SLC12A3: variants seen among roughly 807,000 people sequenced by gnomAD.
SLC12A3 encodes solute carrier family 12 member 3.
SLC12A3 carries 104 observed loss-of-function variants against 121.0 expected under a neutral mutation model. That is an observed-to-expected ratio of 0.86 (90% CI 0.73 to 1.01). The LOEUF (loss-of-function observed/expected upper bound fraction) is 1.01, where lower values mean the gene tolerates loss of function less well. Ranked by LOEUF, SLC12A3 falls within the 50% of genes least tolerant of loss-of-function variation. The pLI, the probability that SLC12A3 is intolerant of heterozygous loss-of-function variation, is 0.00. For synonymous variants in SLC12A3, 536 were observed against 533.4 expected (o/e 1.00, Z -0.07); for missense variants, 1,328 against 1,356.3 (o/e 0.98, Z 0.33).
chr16:56,868,444 G>A (rs1448023092), intron 3 of SLC12A3, 72 bp downstream of exon 3: 6 of 1,423,460 alleles, frequency 4.2e-6, no homozygotes, highest in Non-Finnish European at 5.8e-6. Flanking sequence ...CCTGAATCCT[G>A]TTCTTCCCAG....
At chr16:56,867,693 G>A (rs1367694197) in intron 2 of SLC12A3, among the ~76,000 whole-genome samples, 1 of 152,170 alleles carries the variant, frequency 6.6e-6, no homozygotes, top group African/African-American at 2.4e-5. Flanking sequence ...TGAACCACGA[G>A]CCCTCCCCGA....
At position 56,870,604 on chromosome 16, in the gene SLC12A3, C is replaced by T. The variant is rs377129655; in HGVS notation, c.742-22C>T. ...GGGAATTCAGAGGGTGGCTTGCAGC[C>T]TGGCCCATTTTCCCTCCCCAGGAGT... is the stretch of plus-strand genomic sequence containing the variant. On this transcript the variant is annotated intron_variant, in intron 5 of 25. Transcript: ENST00000563236. 1.2e-5 allele frequency: 18 copies of T among 1,492,764 alleles called. No individual in the cohort carries two copies. In the African/African-American group the frequency reaches 2.2e-4, roughly 18 times the overall value. The allele number at this position is 1,492,764 out of a possible 1,614,324, so 92.5% of individuals were successfully genotyped here.
Position 56,913,648 on chromosome 16 carries a change from C to T in SLC12A3, c.*243C>T, listed in dbSNP as rs886052161. 4.9e-5 allele frequency: 28 copies of T among 569,776 alleles called. No individual in the cohort carries two copies. The highest frequency in any genetic ancestry group is 8.8e-5 in the Non-Finnish European group (28 of 318,242). The allele number at this position is 569,776 out of a possible 1,614,324, so 35.3% of individuals were successfully genotyped here. A position where few individuals can be genotyped will look rare whatever the true frequency, so the allele number is the denominator to read the frequency against. On this transcript the variant is annotated 3_prime_UTR_variant, in exon 26 of 26. Coordinates refer to ENST00000563236, the MANE Select transcript of SLC12A3 (RefSeq NM_001126108.2). ...AGCAGATGGAGCTGCAAGGAAAACT[C>T]TCTAAAGCATCCTATTCCTTTTAAA...
chr16:56,890,620 C>T (rs1396839560), intron 19 of SLC12A3, among the ~76,000 whole-genome samples: 4 of 152,136 alleles, frequency 2.6e-5, no homozygotes, highest in South Asian at 2.1e-4. Context: ...TAATATAGGC[C>T]GGACATGGTG....
In SLC12A3 at chr16:56,871,566, A is replaced by C. The variant is rs2055098092; in HGVS notation, c.853-785A>C. Among the ~76,000 whole-genome samples the C allele has an allele frequency of 2.0e-5, 3 of 152,186 alleles. No homozygotes were observed. In the East Asian group the frequency reaches 5.8e-4, roughly 29 times the overall value. ...GGGTGTCCTCCTTGCTCTTCCTTGGATGCCCTGAGCTGAATTCCCTGGACA... is the reference window on the plus strand; with the variant it reads ...GGGTGTCCTCCTTGCTCTTCCTTGGCTGCCCTGAGCTGAATTCCCTGGACA... On this transcript the variant is annotated intron_variant, in intron 6 of 25. Transcript: ENST00000563236.
intron 9 of SLC12A3, among the ~76,000 whole-genome samples, chr16:56,878,593 G>A (rs752719106): frequency 3.2e-4 from 48 of 152,132 alleles, no homozygotes; most frequent in Admixed American, 5.9e-4. Flanking sequence ...GCTCAGAGAC[G>A]TTAAGTGACC....
In SLC12A3 at chr16:56,886,948, C is replaced by A; in HGVS notation, c.2038-5C>A. 6.2e-7 allele frequency: 1 copy of A among 1,613,552 alleles called. No homozygotes were observed. On this transcript the variant is annotated splice_polypyrimidine_tract_variant and splice_region_variant and intron_variant, in intron 16 of 25. Transcript: ENST00000563236. ...GGTGATGTCCCCTGCCCCTCCCACCCACAGGGACCCCACAAGCAGAGGATG... is the reference window on the plus strand; with the variant it reads ...GGTGATGTCCCCTGCCCCTCCCACCAACAGGGACCCCACAAGCAGAGGATG...
At chr16:56,865,880 G>A (rs1964341835) in intron 1 of SLC12A3, among the ~76,000 whole-genome samples, 1 of 152,186 alleles carries the variant, frequency 6.6e-6, no homozygotes, top group African/African-American at 2.4e-5. Context: ...AGGCTGGACT[G>A]TGAAGAGTGG....
intron 19 of SLC12A3, 149 bp from the exon 20 acceptor site, chr16:56,891,934 G>C: frequency 2.7e-6 from 2 of 734,286 alleles, no homozygotes; most frequent in Non-Finnish European, 5.0e-6. Flanking sequence ...CAGGTCAGAG[G>C]GAGGCCAAGG....
Position 56,879,627 on chromosome 16 carries a change from T to C in SLC12A3, c.1421T>C (p.Val474Ala). 1 of 1,613,372 alleles carries C rather than the reference T, an allele frequency of 6.2e-7. No individual in the cohort carries two copies. Among genetic ancestry groups the C allele is most frequent in the South Asian group, 1.1e-5 (1 of 91,070 alleles). ...ATLSSALACL[V>A]SAAKVFQCLC... ...CTCTCCTCTGCCCTGGCCTGCCTTGTCTCTGCTGCCAAAGTCTTCCAGGTG... is the reference window on the plus strand; with the variant it reads ...CTCTCCTCTGCCCTGGCCTGCCTTGCCTCTGCTGCCAAAGTCTTCCAGGTG... Residue 474 changes from valine to alanine, a missense_variant, in exon 11 of 26, where the codon GTC becomes GCC. Val to Ala is a moderately conservative substitution (Grantham distance 64). Transcript: ENST00000563236.
intron 22 of SLC12A3, 104 bp downstream of exon 22, chr16:56,894,746 T>A: frequency 1.2e-6 from 1 of 853,976 alleles, no homozygotes; most frequent in Non-Finnish European, 1.9e-6. Context: ...CACCCCCAGG[T>A]GGGCACTGAG....
chr16:56,869,286 C>T (rs1964433868), intron 3 of SLC12A3, among the ~76,000 whole-genome samples: 1 of 152,176 alleles, frequency 6.6e-6, no homozygotes, highest in Non-Finnish European at 1.5e-5. Flanking sequence ...AATGCTGGCT[C>T]AAGGGCTCAC....
At chr16:56,901,733 C>T (rs761261514) in intron 23 of SLC12A3, among the ~76,000 whole-genome samples, 8 of 152,232 alleles carry the variant, frequency 5.3e-5, no homozygotes, top group Non-Finnish European at 8.8e-5. Flanking sequence ...TAAGGAAGCC[C>T]TGCCCGACTG....
rs886052173 is a variant in SLC12A3 at position 56,915,301 on chromosome 16, A to T, written c.*1896A>T. Reference sequence around the variant, plus strand: ...CTGCAGTGCCTACACTTTAGACTTCAGAAGGAGACTAAAGACTTCTAGAAT... The same window carrying T: ...CTGCAGTGCCTACACTTTAGACTTCTGAAGGAGACTAAAGACTTCTAGAAT... On this transcript the variant is annotated 3_prime_UTR_variant, in exon 26 of 26. Transcript: ENST00000563236. The T allele has an allele frequency of 1.3e-5, 2 of 152,366 alleles. No individual in the cohort carries two copies. Among genetic ancestry groups the T allele is most frequent in the Admixed American group, 6.5e-5 (1 of 15,304 alleles). The allele number at this position is 152,366 out of a possible 1,614,324, so 9.4% of individuals were successfully genotyped here.
chr16:56,900,723 G>T (rs989198240), intron 23 of SLC12A3, among the ~76,000 whole-genome samples: 1 of 152,012 alleles, frequency 6.6e-6, no homozygotes, highest in Non-Finnish European at 1.5e-5. Context: ...TAGAGATGGG[G>T]TTTCACCATG....
In SLC12A3 at chr16:56,914,292, G is replaced by C. The variant is rs1340660227; in HGVS notation, c.*887G>C. 6.6e-6 allele frequency: 1 copy of C among 152,190 alleles called. No homozygotes were observed. Among genetic ancestry groups the C allele is most frequent in the Non-Finnish European group, 1.5e-5 (1 of 68,036 alleles). 9.4% of individuals were successfully genotyped at this position (152,190 alleles called of 1,614,324 possible). ...GTCTTCACTGGTTCTTTGGACGAGG[G>C]ACTTTTCGAACTTTTTTGGTTGCAA... is the stretch of plus-strand genomic sequence containing the variant. On this transcript the variant is annotated 3_prime_UTR_variant, in exon 26 of 26. Transcript: ENST00000563236.
chr16:56,872,414 A>C lies in SLC12A3; in HGVS notation c.916A>C (p.Ile306Leu). The C allele has an allele frequency of 1.2e-6, 2 of 1,614,056 alleles. No homozygotes were observed. Among genetic ancestry groups the C allele is most frequent in the Non-Finnish European group, 1.7e-6 (2 of 1,180,000 alleles). Reference protein sequence around the residue: ...SFANYLVGTLIPPSEDKASKG... With the variant: ...SFANYLVGTLLPPSEDKASKG... ...TGCCAACTATTTAGTGGGGACGCTGATCCCCCCATCTGAGGACAAGGCCTC... is the reference window on the plus strand; with the variant it reads ...TGCCAACTATTTAGTGGGGACGCTGCTCCCCCCATCTGAGGACAAGGCCTC... The change falls in exon 7 of 26, where the codon ATC (isoleucine) becomes CTC (leucine). Residue 306 changes from isoleucine to leucine, a missense_variant. Physicochemically the swap from Ile to Leu is conservative, Grantham distance 5. Coordinates refer to ENST00000563236, the MANE Select transcript of SLC12A3 (RefSeq NM_001126108.2).
intron 15 of SLC12A3, among the ~76,000 whole-genome samples, chr16:56,886,025 C>T (rs1489676820): frequency 3.3e-5 from 5 of 152,214 alleles, no homozygotes; most frequent in African/African-American, 7.2e-5. Flanking sequence ...GTCACCTTCC[C>T]GGGTAACTGA....
Position 56,886,475 on chromosome 16 carries a change from C to G in SLC12A3, c.2037C>G (p.Ile679Met), listed in dbSNP as rs745894714. ...LSLMICGHVL[I>M]GPHKQRMPEL... ...TGATGATCTGTGGCCACGTGCTCAT[C>G]GTGAGTGGCCCCTGGAGGGGCACAG... The change falls in exon 16 of 26, where the codon ATC becomes ATG. Residue 679 changes from isoleucine to methionine, a missense_variant and splice_region_variant. Physicochemically the swap from Ile to Met is conservative, Grantham distance 10 (BLOSUM62 1). Transcript: ENST00000563236. 6.2e-7 allele frequency: 1 copy of G among 1,612,026 alleles called. No homozygotes were observed. The highest frequency in any genetic ancestry group is 8.5e-7 in the Non-Finnish European group (1 of 1,178,368).
Sources: gnomAD v4.1 joint callset for allele counts (sites outside exome capture counted in the v4.1 genomes callset) on GRCh38, gnomAD v4.1.1 for gene constraint, MANE v1.5 for transcripts, NCBI Gene and HGNC (gene_info 2026-07-23, HGNC 2026-07-21) for gene names.